The following CYP19A1 variants were observed in gnomAD, a reference collection of about 807,000 sequenced individuals.
CYP19A1 encodes the protein cytochrome P450 family 19 subfamily A member 1.
In CYP19A1, 32 loss-of-function variants were observed where a neutral mutation model predicts 44.4. The ratio of observed to expected loss-of-function variants is 0.72; its 90% confidence interval spans 0.54 to 0.97. The LOEUF (loss-of-function observed/expected upper bound fraction) is 0.97. Ranked by LOEUF, CYP19A1 falls within the 50% of genes least tolerant of loss-of-function variation. CYP19A1 has a pLI of 0.00. For missense variants in CYP19A1, 598 were observed against 637.8 expected (o/e 0.94, Z 0.67); for synonymous variants, 212 against 215.6 (o/e 0.98, Z 0.14).
Position 51,222,437 on chromosome 15 carries a change from A to G in CYP19A1, c.540T>C (p.Asn180=), listed in dbSNP as rs34896264. ...THLDRLEEVT[N]ESGYVDVLTL... is the part of the protein sequence containing the mutation. ...TCAACACGTCCACATAGCCCGATTC[A>G]TTGGTCACCTCCTCCAACCTGTCCA... Residue 180 remains asparagine, a synonymous_variant, in exon 5 of 10, where the codon AAT becomes AAC. Coordinates refer to ENST00000396402, the MANE Select transcript of CYP19A1 (RefSeq NM_000103.4). 2 of 1,614,186 alleles carry G rather than the reference A, an allele frequency of 1.2e-6. No individual in the cohort carries two copies. Among genetic ancestry groups the G allele is most frequent in the African/African-American group, 1.3e-5 (1 of 75,058 alleles).
In CYP19A1 at chr15:51,237,093, T is replaced by C. The variant is rs1352909521; in HGVS notation, c.146-84A>G. ...TTGTGTTACTCCTGTTTTTGTTCTT[T>C]TATAGCTAAGTGTTCTTTACATGTG... is the stretch of plus-strand genomic sequence containing the variant. On this transcript the variant is annotated intron_variant, in intron 2 of 9. Coordinates refer to ENST00000396402, the MANE Select transcript of CYP19A1 (RefSeq NM_000103.4). 6.8e-6 allele frequency: 10 copies of C among 1,475,542 alleles called. No individual in the cohort carries two copies. The Admixed American group carries it at 1.5e-4, about 21-fold the overall frequency. 91.4% of individuals were successfully genotyped at this position (1,475,542 alleles called of 1,614,324 possible).
intron 1 of CYP19A1, among the ~76,000 whole-genome samples, chr15:51,331,134 G>A (rs2043351956): frequency 1.3e-5 from 2 of 152,152 alleles, no homozygotes; most frequent in Non-Finnish European, 2.9e-5. Context: ...TGAGAGCAAG[G>A]CAGATGGAGA....
chr15:51,224,254 C>G (rs2032387586), intron 4 of CYP19A1, among the ~76,000 whole-genome samples: 1 of 152,142 alleles, frequency 6.6e-6, no homozygotes, highest in East Asian at 1.9e-4. Flanking sequence ...ATTAATGTTA[C>G]TGATTTAGAT....
intron 1 of CYP19A1, chr15:51,323,924 C>G (rs1362381756): frequency 6.6e-6 from 1 of 152,254 alleles, no homozygotes; most frequent in African/African-American, 2.4e-5. Flanking sequence ...TCTGACACCG[C>G]CTATGAAAGG....
intron 5 of CYP19A1, chr15:51,221,494 A>G (rs2032075606): frequency 1.3e-5 from 2 of 152,228 alleles, no homozygotes; most frequent in Non-Finnish European, 2.9e-5. Context: ...AAACAATTAG[A>G]TACAAGTCCA....
chr15:51,244,397 C>T (rs143493276), intron 1 of CYP19A1, among the ~76,000 whole-genome samples: 48 of 152,190 alleles, frequency 3.2e-4, no homozygotes, highest in African/African-American at 1.1e-3. Flanking sequence ...ACTGAAAATG[C>T]ACTGGAAAGG....
intron 7 of CYP19A1, 95 bp downstream of exon 7, chr15:51,215,608 A>G (rs2031491926): frequency 2.5e-6 from 4 of 1,606,350 alleles, no homozygotes; most frequent in Non-Finnish European, 3.4e-6. Flanking sequence ...ATTTAAAAGC[A>G]GAAATATGCA....
chr15:51,320,590 C>G (rs2036510846), intron 1 of CYP19A1, among the ~76,000 whole-genome samples: 1 of 152,178 alleles, frequency 6.6e-6, no homozygotes, highest in Non-Finnish European at 1.5e-5. Context: ...GGCCCAAAAG[C>G]TGTCTCAATC....
At position 51,218,651 on chromosome 15, in the gene CYP19A1, A is replaced by G. The variant is rs61317221; in HGVS notation, c.633T>C (p.Ser211=). Residue 211 remains serine, a synonymous_variant, in exon 6 of 10, where the codon AGT becomes AGC. Coordinates refer to ENST00000396402, the MANE Select transcript of CYP19A1 (RefSeq NM_000103.4). The stretch of plus-strand genomic sequence containing the variant: ...AACCTTGGATTTTAACCACGATAGC[A>G]CTTTCTGTAGGAAAAAAAAACACAC... ...TLFLRIPLDE[S]AIVVKIQGYF... 1 of 1,612,056 alleles carries G rather than the reference A, an allele frequency of 6.2e-7. No individual in the cohort carries two copies. Among genetic ancestry groups the G allele is most frequent in the Admixed American group, 1.7e-5 (1 of 59,840 alleles).
intron 3 of CYP19A1, among the ~76,000 whole-genome samples, chr15:51,232,671 T>C (rs1190032040): frequency 6.6e-6 from 1 of 152,176 alleles, no homozygotes; most frequent in Non-Finnish European, 1.5e-5. Flanking sequence ...ATCCAATCTG[T>C]CAGCAAGTCT....
chr15:51,240,682 T>G (rs938015421), intron 2 of CYP19A1, among the ~76,000 whole-genome samples: 3 of 152,122 alleles, frequency 2.0e-5, no homozygotes, highest in Non-Finnish European at 2.9e-5. Context: ...AACTAGACCT[T>G]CTGTTTTCAA....
intron 1 of CYP19A1, among the ~76,000 whole-genome samples, chr15:51,291,858 G>A (rs2035854480): frequency 6.6e-6 from 1 of 152,234 alleles, no homozygotes; most frequent in East Asian, 1.9e-4. Context: ...GAGGGTAGAG[G>A]TAACTTGGAG....
intron 1 of CYP19A1, among the ~76,000 whole-genome samples, chr15:51,316,436 G>A (rs1301244809): frequency 6.6e-6 from 1 of 152,226 alleles, no homozygotes; most frequent in African/African-American, 2.4e-5. Flanking sequence ...AATGAGTTAA[G>A]TGTTTTGTAA....
chr15:51,306,643 A>C (rs779778717), intron 1 of CYP19A1, among the ~76,000 whole-genome samples: 4 of 152,266 alleles, frequency 2.6e-5, no homozygotes, highest in Admixed American at 6.5e-5. Flanking sequence ...AGTTCTAGTA[A>C]ATTAAATAAT....
At chr15:51,295,761 T>C (rs2035981882) in intron 1 of CYP19A1, among the ~76,000 whole-genome samples, 1 of 152,186 alleles carries the variant, frequency 6.6e-6, no homozygotes. Context: ...CAAGTTGAGC[T>C]GGGTCCCTCG....
intron 1 of CYP19A1, among the ~76,000 whole-genome samples, chr15:51,305,308 G>C (rs2036194560): frequency 6.6e-6 from 1 of 152,142 alleles, no homozygotes; most frequent in Non-Finnish European, 1.5e-5. Context: ...TGAGGGTGTG[G>C]CCTATGTCTT....
At chr15:51,301,728 C>G (rs757538099) in intron 1 of CYP19A1, among the ~76,000 whole-genome samples, 2 of 152,128 alleles carry the variant, frequency 1.3e-5, no homozygotes, top group Admixed American at 1.3e-4. Context: ...CTTTGCAAGG[C>G]TAGGGTTACT....
At chr15:51,309,860 C>T (rs956192958) in intron 1 of CYP19A1, among the ~76,000 whole-genome samples, 5 of 152,172 alleles carry the variant, frequency 3.3e-5, no homozygotes, top group African/African-American at 4.8e-5. Context: ...TTATTCCACT[C>T]GCCCATGAGC....
In CYP19A1 at chr15:51,330,632, A is replaced by G. The variant is rs57553630; in HGVS notation, c.-39+7863T>C. On this transcript the variant is annotated intron_variant, in intron 1 of 9. Transcript: ENST00000396402. Reference sequence around the variant, plus strand: ...CGGCAGTGGATAAAATCACCAAGGAAGAGTCAACAGAGTGAGGATGTAGGG... The same window carrying G: ...CGGCAGTGGATAAAATCACCAAGGAGGAGTCAACAGAGTGAGGATGTAGGG... 0.015 allele frequency among the ~76,000 whole-genome samples: 2,300 copies of G among 152,242 alleles called. 194 individuals carry two copies. In the East Asian group the frequency reaches 0.25, roughly 17 times the overall value.
Sources: gnomAD v4.1 joint callset for allele counts (sites outside exome capture counted in the v4.1 genomes callset) on GRCh38, gnomAD v4.1.1 for gene constraint, MANE v1.5 for transcripts, NCBI Gene and HGNC (gene_info 2026-07-23, HGNC 2026-07-21) for gene names.